HPS4: variants seen among roughly 807,000 people sequenced by gnomAD.
HPS4 encodes the protein HPS4 biogenesis of lysosomal organelles complex 3 subunit 2.
HPS4 carries 44 observed loss-of-function variants against 70.3 expected under a neutral mutation model. That is an observed-to-expected ratio of 0.63 (90% confidence interval 0.49 to 0.80). The LOEUF is 0.80. Ranked by LOEUF, HPS4 falls within the 30% of genes least tolerant of loss-of-function variation. The pLI, the probability that HPS4 is intolerant of heterozygous loss-of-function variation, is 0.00. For missense variants in HPS4, 873 were observed against 884.4 expected (o/e 0.99, Z 0.16); for synonymous variants, 377 against 355.9 (o/e 1.06, Z -0.67).
downstream of HPS4, among the ~76,000 whole-genome samples, chr22:26,446,187 C>T (rs1248988367): frequency 1.3e-5 from 2 of 152,226 alleles, no homozygotes; most frequent in African/African-American, 4.8e-5. Context: ...CCGAGACAGG[C>T]TGGACTGGCC....
chr22:26,455,532 T>A (rs2085941827), intron 13 of HPS4, among the ~76,000 whole-genome samples: 1 of 131,686 alleles, frequency 7.6e-6, no homozygotes, highest in African/African-American at 2.9e-5. Context: ...AATTGAACAA[T>A]GAGAATACAT....
intron 4 of HPS4, 48 bp downstream of exon 4, chr22:26,476,945 A>C: frequency 6.2e-7 from 1 of 1,602,072 alleles, no homozygotes; most frequent in Non-Finnish European, 8.6e-7. Context: ...ATAACTTCCT[A>C]AACTTATCAT....
intron 1 of HPS4, among the ~76,000 whole-genome samples, 187 bp downstream of exon 1, chr22:26,483,487 G>A (rs1192269942): frequency 6.6e-6 from 1 of 152,274 alleles, no homozygotes; most frequent in African/African-American, 2.4e-5. Context: ...CCAGGAAGCT[G>A]CTGGGCGCAG....
chr22:26,446,178 C>T (rs1264656937), downstream of HPS4, among the ~76,000 whole-genome samples: 3 of 152,202 alleles, frequency 2.0e-5, no homozygotes, highest in South Asian at 6.2e-4. Context: ...GCCTTCCACC[C>T]GAGACAGGCT....
chr22:26,467,837 T>C (rs780959847), intron 8 of HPS4: 1 of 152,280 alleles, frequency 6.6e-6, no homozygotes, highest in Non-Finnish European at 1.5e-5. Flanking sequence ...TTTTTCAATA[T>C]AAAAACAATT....
chr22:26,456,382 C>A (rs898121409), intron 13 of HPS4, among the ~76,000 whole-genome samples: 1 of 152,162 alleles, frequency 6.6e-6, no homozygotes, highest in Non-Finnish European at 1.5e-5. Context: ...CCCTTGAAGC[C>A]GGGCGTGGTG....
At chr22:26,481,399 C>A (rs967523519) in intron 2 of HPS4, among the ~76,000 whole-genome samples, 7 of 152,110 alleles carry the variant, frequency 4.6e-5, no homozygotes, top group African/African-American at 1.7e-4. Context: ...TCAAATGCAA[C>A]CATACCTCAT....
At chr22:26,470,908 G>C (rs1388793234) in intron 6 of HPS4, 95 bp from the exon 7 acceptor site, 1 of 1,568,218 alleles carries the variant, frequency 6.4e-7, no homozygotes, top group South Asian at 1.2e-5. Context: ...AGCTGGACAG[G>C]GTGTAGCTCA....
downstream of HPS4, among the ~76,000 whole-genome samples, chr22:26,446,364 T>G (rs906108484): frequency 6.6e-6 from 1 of 152,150 alleles, no homozygotes; most frequent in African/African-American, 2.4e-5. Flanking sequence ...GCGATTAAAC[T>G]TGTAACACTG....
chr22:26,453,428 A>G, intron 13 of HPS4, 24 bp from the exon 14 acceptor site: 1 of 1,612,700 alleles, frequency 6.2e-7, no homozygotes, highest in South Asian at 1.1e-5. Context: ...AAAGAAGGCA[A>G]CGGTCCAATG....
chr22:26,460,877 A>C (rs1335839720), intron 11 of HPS4, among the ~76,000 whole-genome samples: 1 of 152,264 alleles, frequency 6.6e-6, no homozygotes, highest in East Asian at 1.9e-4. Context: ...TTCCAATTCC[A>C]TGTCCATAAA....
At chr22:26,449,323 ATTTTTT>A (rs35895945), downstream of HPS4, among the ~76,000 whole-genome samples, 9 of 83,326 alleles carry the variant, frequency 1.1e-4, no homozygotes, top group African/African-American at 1.5e-4. Flanking sequence ...ACTCCCCTGC[ATTTTTT>A]TTTTTTTTTT....
At chr22:26,469,574 C>A (rs2089418075) in intron 7 of HPS4, among the ~76,000 whole-genome samples, 1 of 151,250 alleles carries the variant, frequency 6.6e-6, no homozygotes, top group Non-Finnish European at 1.5e-5. Context: ...AATGTAAATA[C>A]AGGCTGGGTG....
At chr22:26,474,275 C>T (rs556917563) in intron 4 of HPS4, among the ~76,000 whole-genome samples, 2 of 152,042 alleles carry the variant, frequency 1.3e-5, no homozygotes, top group African/African-American at 2.4e-5. Context: ...AATAGACCCA[C>T]GCTTAAATGG....
At chr22:26,467,494 A>G (rs1053493743) in intron 8 of HPS4, 15 of 152,224 alleles carry the variant, frequency 9.9e-5, no homozygotes, top group Non-Finnish European at 1.8e-4. Flanking sequence ...CAGTTACATT[A>G]TTTCCTTAAG....
downstream of HPS4, chr22:26,443,493 A>C: frequency 3.4e-6 from 1 of 291,364 alleles, no homozygotes; most frequent in Non-Finnish European, 6.5e-6. Flanking sequence ...TCCTTGAGTG[A>C]CCAGAGACTT....
chr22:26,459,915 T>C (rs1424236888), intron 11 of HPS4, among the ~76,000 whole-genome samples: 6 of 152,246 alleles, frequency 3.9e-5, no homozygotes, highest in Non-Finnish European at 5.9e-5. Context: ...TTGTGGACTA[T>C]TTTTCAACAG....
intron 11 of HPS4, among the ~76,000 whole-genome samples, chr22:26,463,214 G>A (rs908865845): frequency 5.9e-5 from 9 of 152,268 alleles, no homozygotes; most frequent in Admixed American, 5.2e-4. Flanking sequence ...GCCTCTAAGC[G>A]GGGAAGGGGC....
chr22:26,452,292 T>C lies in HPS4; in HGVS notation c.*941A>G, dbSNP rs958180873. On this transcript the variant is annotated 3_prime_UTR_variant, in exon 14 of 14. Coordinates refer to ENST00000398145, the MANE Select transcript of HPS4 (RefSeq NM_022081.6). The stretch of plus-strand genomic sequence containing the variant: ...AAATATTTTCATCCTGCAGTCTGTC[T>C]CATACTGTCAAAAAAATGTCTGACT... The C allele has an allele frequency of 2.2e-6, 1 of 455,116 alleles. No individual in the cohort carries two copies. Among genetic ancestry groups the C allele is most frequent in the African/African-American group, 2.0e-5 (1 of 49,946 alleles). 28.2% of individuals were successfully genotyped at this position (455,116 alleles called of 1,614,324 possible).
Sources: gnomAD v4.1 joint callset for allele counts (sites outside exome capture counted in the v4.1 genomes callset) on GRCh38, gnomAD v4.1.1 for gene constraint, MANE v1.5 for transcripts, NCBI Gene and HGNC (gene_info 2026-07-23, HGNC 2026-07-21) for gene names.